The following HDAC7 variants were observed in gnomAD, a reference collection of about 807,000 sequenced individuals.
The protein encoded by HDAC7 is histone deacetylase 7A.
Under a neutral mutation model 115.5 loss-of-function variants are expected in HDAC7, and 26 were observed. The observed-to-expected ratio is 0.23, with a 90% CI of 0.16 to 0.31. The LOEUF (loss-of-function observed/expected upper bound fraction) is 0.31. Among genes scored for constraint, HDAC7 ranks in the 10% least tolerant of loss-of-function variants. The pLI, the probability that HDAC7 is intolerant of heterozygous loss-of-function variation, is 1.00. For missense variants in HDAC7, 1,068 were observed against 1,329.0 expected (o/e 0.80, Z 3.05); for synonymous variants, 564 against 550.9 (o/e 1.02, Z -0.33).
intron 2 of HDAC7, among the ~76,000 whole-genome samples, chr12:47,801,473 AT>A (rs59511988): frequency 2.0e-5 from 3 of 151,648 alleles, no homozygotes; most frequent in African/African-American, 4.8e-5. Context: ...ATTGCATTCT[AT>A]TTTTTTTCGC....
At chr12:47,796,379 A>G in intron 7 of HDAC7, 81 bp from the exon 8 acceptor site, 1 of 873,902 alleles carries the variant, frequency 1.1e-6, no homozygotes, top group Non-Finnish European at 1.8e-6. Flanking sequence ...GGTGCAGGAG[A>G]CCCGGGAGCA....
At chr12:47,791,390 G>A (rs1237992908) in intron 15 of HDAC7, 82 bp from the exon 16 acceptor site, 11 of 1,426,586 alleles carry the variant, frequency 7.7e-6, no homozygotes, top group African/African-American at 1.4e-5. Flanking sequence ...CAGAGAGCAG[G>A]GCCGGGTGAG....
intron 1 of HDAC7, among the ~76,000 whole-genome samples, chr12:47,817,080 G>A (rs1944871364): frequency 6.6e-6 from 1 of 152,226 alleles, no homozygotes; most frequent in African/African-American, 2.4e-5. Flanking sequence ...GGGCCTCCAG[G>A]GAAGGTTACC....
At chr12:47,818,263 G>A (rs1944906936) in intron 1 of HDAC7, among the ~76,000 whole-genome samples, 1 of 152,170 alleles carries the variant, frequency 6.6e-6, no homozygotes, top group Non-Finnish European at 1.5e-5. Context: ...AGGCAGCTCT[G>A]AGCTTGCCTC....
Position 47,789,815 on chromosome 12 carries a change from T to G in HDAC7, c.2089A>C (p.Lys697Gln). 4.3e-6 allele frequency: 7 copies of G among 1,612,334 alleles called. No homozygotes were observed. The highest frequency in any genetic ancestry group is 5.9e-6 in the Non-Finnish European group (7 of 1,178,846). The stretch of plus-strand genomic sequence containing the variant: ...CACCTTCAACCCAAACCTCCTACCT[T>G]TAGCTCACGAGAAGCCACTTTGAAG... ...LAFKVASREL[K>Q]NGFAVVRPPG... The change falls in exon 17 of 26, where the codon AAG becomes CAG. Residue 697 changes from lysine (K) to glutamine (Q), a missense_variant and splice_region_variant. This residue lies in a region of HDAC7 where 182 missense variants were observed against 301.1 expected (regional missense o/e 0.60). Coordinates refer to ENST00000080059, the MANE Select transcript of HDAC7 (RefSeq NM_015401.5).
chr12:47,785,806 G>A lies in HDAC7; in HGVS notation c.2652C>T (p.Leu884=). Residue 884 remains leucine (L), a synonymous_variant, in exon 23 of 26, where the codon CTC becomes CTT. Coordinates refer to ENST00000080059, the MANE Select transcript of HDAC7 (RefSeq NM_015401.5). ...CCTCAGAGGCGTCACAGATGGCTGT[G>A]AGGTCATGGCCACCCTCCAAGGCCA... The part of the protein sequence containing the change: ...VVLALEGGHD[L]TAICDASEAC... 1 of 1,611,504 alleles carries A rather than the reference G, an allele frequency of 6.2e-7. No individual in the cohort carries two copies. The highest frequency in any genetic ancestry group is 8.5e-7 in the Non-Finnish European group (1 of 1,179,110).
rs1019164262 is a variant in HDAC7 at position 47,797,683 on chromosome 12, T to C, written c.462-184A>G. ...GGCCGCCTGTCCGCTCCAGCAGCTA[T>C]AGTGCAGAGCTCTGACCTAGGCATA... is the stretch of plus-strand genomic sequence containing the variant. On this transcript the variant is annotated intron_variant, in intron 5 of 25. Transcript: ENST00000080059. This position sits in a 1 kb window ranked among gnomAD's most constrained non-coding sequence, Gnocchi z 5.5. Among the ~76,000 whole-genome samples the C allele has an allele frequency of 3.3e-5, 5 of 152,184 alleles. No individual in the cohort carries two copies. Among genetic ancestry groups the C allele is most frequent in the African/African-American group, 1.2e-4 (5 of 41,442 alleles).
chr12:47,783,212 A>AGG lies in HDAC7; in HGVS notation c.*627_*628dup, dbSNP rs1176425745. 6.5e-6 allele frequency: 1 copy of AGG among 153,256 alleles called. No individual in the cohort carries two copies. The highest frequency in any genetic ancestry group is 6.5e-5 in the Admixed American group (1 of 15,466). 9.5% of individuals were successfully genotyped at this position (153,256 alleles called of 1,614,324 possible). The stretch of plus-strand genomic sequence containing the variant: ...CAGGGCATCGCCAGGAGGTTGATGT[A>AGG]GGGGGGCCTCTGGCGAGGGTACGGA... On this transcript the variant is annotated 3_prime_UTR_variant, in exon 26 of 26. Coordinates refer to ENST00000080059, the MANE Select transcript of HDAC7 (RefSeq NM_015401.5).
rs1046085662 is a variant in HDAC7 at position 47,798,134 on chromosome 12, A to G, written c.435T>C (p.His145=). ...TGTAGGGAATGCCGGGGCTGTTGGGATGGACTGTTCTTTCTAGGGCCGCCT... is the reference window on the plus strand; with the variant it reads ...TGTAGGGAATGCCGGGGCTGTTGGGGTGGACTGTTCTTTCTAGGGCCGCCT... ...KQQAALERTV[H]PNSPGIPYRT... The change falls in exon 5 of 26, where the codon CAT becomes CAC. Residue 145 remains histidine (H), a synonymous_variant. Transcript: ENST00000080059. This position sits in a 1 kb window ranked among gnomAD's most constrained non-coding sequence, Gnocchi z 4.3. 6.2e-7 allele frequency: 1 copy of G among 1,613,434 alleles called. No homozygotes were observed. Among genetic ancestry groups the G allele is most frequent in the Admixed American group, 1.7e-5 (1 of 59,954 alleles).
At chr12:47,796,949 C>A in intron 7 of HDAC7, 68 bp downstream of exon 7, 1 of 1,482,054 alleles carries the variant, frequency 6.7e-7, no homozygotes, top group Non-Finnish European at 8.9e-7. Flanking sequence ...CTAGGTGGGG[C>A]CTGACCCAAA....
Position 47,794,766 on chromosome 12 carries a change from G to T in HDAC7, c.1452C>A (p.His484Gln), listed in dbSNP as rs1011716716. Reference protein sequence around the residue: ...EARGPAPLQQHPQVLLWEQQR... With the variant: ...EARGPAPLQQQPQVLLWEQQR... ...CAGGTGGGGACTGCCATACCTGAGG[G>T]TGCTGCTGGAGAGGAGCGGGGCCTC... Residue 484 changes from histidine to glutamine, a missense_variant, in exon 12 of 26, where the codon CAC becomes CAA. Transcript: ENST00000080059. 1 of 1,597,962 alleles carries T rather than the reference G, an allele frequency of 6.3e-7. No individual in the cohort carries two copies. Among genetic ancestry groups the T allele is most frequent in the Non-Finnish European group, 8.5e-7 (1 of 1,173,334 alleles).
chr12:47,799,157 G>A (rs955100704), intron 2 of HDAC7, 185 bp from the exon 3 acceptor site: 4 of 554,858 alleles, frequency 7.2e-6, no homozygotes, highest in Non-Finnish European at 1.3e-5. Flanking sequence ...CATTTTACTC[G>A]TGAGAAAAAA....
chr12:47,797,346 T>G lies in HDAC7; in HGVS notation c.577+38A>C, dbSNP rs1000533555. ...CCCCATGTCCGAGGCCCTTCCCCCT[T>G]CCTTTGCCTGAAAGGTCCGCCTGTT... On this transcript the variant is annotated intron_variant, in intron 6 of 25. Transcript: ENST00000080059. The surrounding 1 kb of genome is among the most constrained non-coding windows in gnomAD (Gnocchi z 5.5). 6.5e-7 allele frequency: 1 copy of G among 1,541,822 alleles called. No homozygotes were observed.
At chr12:47,817,192 C>T (rs1944875282) in intron 1 of HDAC7, among the ~76,000 whole-genome samples, 2 of 152,240 alleles carry the variant, frequency 1.3e-5, no homozygotes, top group Non-Finnish European at 2.9e-5. Flanking sequence ...TCACTGCTCT[C>T]ACAGCCTCCT....
chr12:47,798,295 GT>G lies in HDAC7; in HGVS notation c.350-77del. On this transcript the variant is annotated intron_variant, in intron 4 of 25. Coordinates refer to ENST00000080059, the MANE Select transcript of HDAC7 (RefSeq NM_015401.5). This position sits in a 1 kb window ranked among gnomAD's most constrained non-coding sequence, Gnocchi z 4.3. ...CGTGGCACTACCTGGCCACTGCCCT[GT>G]CCCCATCCTCAGTAGGAGGCGTCCC... is the stretch of plus-strand genomic sequence containing the variant. The G allele has an allele frequency of 8.4e-7, 1 of 1,187,944 alleles. No individual in the cohort carries two copies. The allele number at this position is 1,187,944 out of a possible 1,614,324, so 73.6% of individuals were successfully genotyped here.
intron 1 of HDAC7, among the ~76,000 whole-genome samples, chr12:47,818,284 C>T (rs2137084205): frequency 6.6e-6 from 1 of 152,280 alleles, no homozygotes; most frequent in Middle Eastern, 3.4e-3. Flanking sequence ...TGAGCCTGGC[C>T]CTGCTGGGCA....
At chr12:47,809,381 G>A (rs1285412879) in intron 1 of HDAC7, among the ~76,000 whole-genome samples, 2 of 152,020 alleles carry the variant, frequency 1.3e-5, no homozygotes, top group African/African-American at 2.4e-5. Context: ...CACCCACAAG[G>A]CCACGCAGCC....
At position 47,786,853 on chromosome 12, in the gene HDAC7, T is replaced by C. The variant is rs1943196821; in HGVS notation, c.2454-150A>G. 13 of 639,006 alleles carry C rather than the reference T, an allele frequency of 2.0e-5. 1 individual carries two copies. The South Asian group carries it at 2.5e-4, about 12-fold the overall frequency. 39.6% of individuals were successfully genotyped at this position (639,006 alleles called of 1,614,324 possible). A position where few individuals can be genotyped will look rare whatever the true frequency, so the allele number is the denominator to read the frequency against. ...GCAGATTTCTCTGACCTCCTTGACCTTGGCTGGCCACCCATGTCCCTGGCA... is the reference window on the plus strand; with the variant it reads ...GCAGATTTCTCTGACCTCCTTGACCCTGGCTGGCCACCCATGTCCCTGGCA... On this transcript the variant is annotated intron_variant, in intron 21 of 25. Transcript: ENST00000080059.
chr12:47,787,648 G>C (rs1943244058), intron 21 of HDAC7, 64 bp downstream of exon 21: 1 of 1,158,966 alleles, frequency 8.6e-7, no homozygotes, highest in African/African-American at 1.5e-5. Flanking sequence ...CCTCCCCCCT[G>C]GTGCTCTTGG....
Sources: gnomAD v4.1 joint callset for allele counts (sites outside exome capture counted in the v4.1 genomes callset) on GRCh38, gnomAD v4.1.1 for gene constraint, gnomAD v4.1.1 regional missense constraint, Gnocchi (gnomAD v3.1) non-coding constraint, MANE v1.5 for transcripts, NCBI Gene and HGNC (gene_info 2026-07-23, HGNC 2026-07-21) for gene names.